CPA6: variants seen among roughly 807,000 people sequenced by gnomAD.
The protein encoded by CPA6 is carboxypeptidase A6.
Under a neutral mutation model 63.3 loss-of-function variants are expected in CPA6, and 58 were observed. The observed-to-expected ratio is 0.92, with a 90% CI of 0.74 to 1.14. The LOEUF (loss-of-function observed/expected upper bound fraction) is 1.14, where lower values mean the gene tolerates loss of function less well. Ranked by LOEUF, CPA6 falls within the 50% of genes most tolerant of loss-of-function variation. The pLI is 0.00. For synonymous variants in CPA6, 185 were observed against 179.0 expected, an observed-to-expected ratio of 1.03 and a Z score of -0.27; for missense variants, 565 against 526.6, an observed-to-expected ratio of 1.07 and a Z score of -0.71.
intron 2 of CPA6, among the ~76,000 whole-genome samples, chr8:67,522,244 G>A (rs1385651287): frequency 6.6e-6 from 1 of 152,136 alleles, no homozygotes; most frequent in Non-Finnish European, 1.5e-5. Flanking sequence ...ACTGGACTCA[G>A]CGTCACAGAT....
At chr8:67,695,088 G>A (rs1254329679) in intron 1 of CPA6, among the ~76,000 whole-genome samples, 1 of 152,142 alleles carries the variant, frequency 6.6e-6, no homozygotes, top group Non-Finnish European at 1.5e-5. Flanking sequence ...CTCATCAGGG[G>A]AGGATTTTAA....
At chr8:67,533,061 T>G (rs530492968) in intron 2 of CPA6, among the ~76,000 whole-genome samples, 1 of 152,254 alleles carries the variant, frequency 6.6e-6, no homozygotes, top group Non-Finnish European at 1.5e-5. Flanking sequence ...GGTAAGATTT[T>G]CTTCAGGAAG....
intron 2 of CPA6, among the ~76,000 whole-genome samples, chr8:67,602,697 A>C (rs1052496958): frequency 1.3e-5 from 2 of 152,328 alleles, no homozygotes; most frequent in South Asian, 2.1e-4. Flanking sequence ...ATTGGAACAC[A>C]ACTGCTGAAC....
At chr8:67,701,946 C>A (rs939268647) in intron 1 of CPA6, among the ~76,000 whole-genome samples, 3 of 152,116 alleles carry the variant, frequency 2.0e-5, no homozygotes, top group Admixed American at 2.0e-4. Context: ...CTTTTGTATT[C>A]ATCCCCACGA....
At chr8:67,663,539 C>A (rs945047081) in intron 1 of CPA6, among the ~76,000 whole-genome samples, 75 of 152,062 alleles carry the variant, frequency 4.9e-4, no homozygotes, top group Non-Finnish European at 9.7e-4. Flanking sequence ...CACTCCCCAA[C>A]AGGCCCCATT....
intron 2 of CPA6, among the ~76,000 whole-genome samples, chr8:67,584,610 C>G (rs1303832794): frequency 1.3e-5 from 2 of 152,058 alleles, no homozygotes; most frequent in Non-Finnish European, 1.5e-5. Context: ...AAATTATTTT[C>G]TATTAAAGGG....
At chr8:67,561,907 C>T (rs1304694217) in intron 2 of CPA6, among the ~76,000 whole-genome samples, 1 of 152,116 alleles carries the variant, frequency 6.6e-6, no homozygotes, top group Non-Finnish European at 1.5e-5. Flanking sequence ...GTATGCTTTC[C>T]ATTTACTATT....
intron 1 of CPA6, among the ~76,000 whole-genome samples, chr8:67,679,423 T>C (rs1202366761): frequency 1.3e-5 from 2 of 152,216 alleles, no homozygotes; most frequent in Admixed American, 6.5e-5. Context: ...CTTCTAGTCA[T>C]CTGCTTTGAA....
chr8:67,465,795 G>A (rs1393411912), intron 8 of CPA6, among the ~76,000 whole-genome samples: 1 of 152,154 alleles, frequency 6.6e-6, no homozygotes, highest in Non-Finnish European at 1.5e-5. Context: ...TGCATCCCAC[G>A]AATGAAGCCT....
intron 8 of CPA6, among the ~76,000 whole-genome samples, chr8:67,445,849 G>A (rs1022396463): frequency 5.9e-5 from 9 of 152,014 alleles, no homozygotes; most frequent in South Asian, 2.1e-4. Flanking sequence ...ACACTGGAGA[G>A]TGAATTCAAA....
intron 6 of CPA6, among the ~76,000 whole-genome samples, chr8:67,495,970 G>T (rs1029063856): frequency 1.3e-5 from 2 of 152,154 alleles, no homozygotes; most frequent in African/African-American, 4.8e-5. Flanking sequence ...GTACGTTGCT[G>T]CCTCACTAAA....
At chr8:67,436,386 A>ATT (rs200562889) in intron 8 of CPA6, among the ~76,000 whole-genome samples, 11 of 137,300 alleles carry the variant, frequency 8.0e-5, no homozygotes, top group African/African-American at 2.8e-4. Flanking sequence ...GTTGTTGGGT[A>ATT]TTTTTTTTTT....
rs1349846134 is a variant in CPA6, at chr8:67,483,695, T to C, written c.838+73A>G. 7 of 1,212,676 alleles carry C rather than the reference T, an allele frequency of 5.8e-6. No individual in the cohort carries two copies. In the African/African-American group the frequency reaches 1.0e-4, roughly 18 times the overall value. The allele number at this position is 1,212,676 out of a possible 1,614,324, so 75.1% of individuals were successfully genotyped here. ...AAACATGAGTCTCCCATGAGAGTCCTCTGGACTCATATTTTGCAGAGTAAA... is the reference window on the plus strand; with the variant it reads ...AAACATGAGTCTCCCATGAGAGTCCCCTGGACTCATATTTTGCAGAGTAAA... On this transcript the variant is annotated intron_variant, in intron 8 of 10. Coordinates refer to ENST00000297770, the MANE Select transcript of CPA6 (RefSeq NM_020361.5).
At chr8:67,663,216 T>C (rs970886654) in intron 1 of CPA6, among the ~76,000 whole-genome samples, 3 of 152,168 alleles carry the variant, frequency 2.0e-5, no homozygotes, top group African/African-American at 7.2e-5. Flanking sequence ...AAATAACAAC[T>C]GAAAACCAGT....
At chr8:67,461,274 T>G (rs1324620442) in intron 8 of CPA6, among the ~76,000 whole-genome samples, 1 of 143,912 alleles carries the variant, frequency 6.9e-6, no homozygotes, top group African/African-American at 2.6e-5. Context: ...TTAACGAGCA[T>G]GCTGCCTTCA....
At chr8:67,692,907 A>G (rs1253602093) in intron 1 of CPA6, among the ~76,000 whole-genome samples, 2 of 152,212 alleles carry the variant, frequency 1.3e-5, no homozygotes, top group Non-Finnish European at 2.9e-5. Context: ...ACATATATTC[A>G]CTACGAGTCA....
At chr8:67,670,428 C>G (rs1295565255) in intron 1 of CPA6, among the ~76,000 whole-genome samples, 1 of 152,194 alleles carries the variant, frequency 6.6e-6, no homozygotes, top group Non-Finnish European at 1.5e-5. Context: ...CCAATCACCT[C>G]TAACTCTGGG....
At chr8:67,531,664 C>A (rs1390386108) in intron 2 of CPA6, among the ~76,000 whole-genome samples, 2 of 152,008 alleles carry the variant, frequency 1.3e-5, no homozygotes, top group Non-Finnish European at 2.9e-5. Context: ...AACATTGATA[C>A]AACAGCATCA....
intron 6 of CPA6, among the ~76,000 whole-genome samples, chr8:67,500,269 C>T (rs1263113630): frequency 6.6e-6 from 1 of 152,106 alleles, no homozygotes; most frequent in African/African-American, 2.4e-5. Context: ...AGTGATAGCT[C>T]ACTGTGGCTT....
Sources: gnomAD v4.1 joint callset for allele counts (sites outside exome capture counted in the v4.1 genomes callset) on GRCh38, gnomAD v4.1.1 for gene constraint, MANE v1.5 for transcripts, NCBI Gene and HGNC (gene_info 2026-07-23, HGNC 2026-07-21) for gene names.